SYT9: variants seen among roughly 807,000 people sequenced by gnomAD.
The protein encoded by SYT9 is synaptotagmin 9, also known as synaptotagmin-9.
In SYT9, 22 loss-of-function variants were observed where a neutral mutation model predicts 48.4. That is an observed-to-expected ratio of 0.45 (90% CI 0.32 to 0.65). SYT9 has a LOEUF of 0.65. Ranked by LOEUF, SYT9 falls within the 30% of genes least tolerant of loss-of-function variation. The pLI, the probability that SYT9 is intolerant of heterozygous loss-of-function variation, is 0.03. For missense variants in SYT9, 577 were observed against 622.0 expected, an observed-to-expected ratio of 0.93 and a Z score of 0.77; for synonymous variants, 265 against 245.0, an observed-to-expected ratio of 1.08 and a Z score of -0.76.
intron 3 of SYT9, among the ~76,000 whole-genome samples, chr11:7,389,173 A>C (rs10769786): frequency 0.87 from 132,356 of 152,040 alleles, 57,998 homozygotes; most frequent in Non-Finnish European, 0.93. Flanking sequence ...TTGGGCCAAT[A>C]CAGAAAACTG....
intron 3 of SYT9, among the ~76,000 whole-genome samples, chr11:7,408,766 A>G (rs553227476): frequency 6.6e-6 from 1 of 152,294 alleles, no homozygotes; most frequent in East Asian, 1.9e-4. Flanking sequence ...TCATCAGCAA[A>G]GAAATGGTTG....
chr11:7,349,528 A>G (rs944532550), intron 3 of SYT9, among the ~76,000 whole-genome samples: 3 of 152,070 alleles, frequency 2.0e-5, no homozygotes, highest in Admixed American at 2.0e-4. Context: ...GGCAGGGGTC[A>G]TGTTCCTACA....
chr11:7,346,752 T>C (rs1455510123), intron 3 of SYT9, among the ~76,000 whole-genome samples: 1 of 152,232 alleles, frequency 6.6e-6, no homozygotes, highest in Non-Finnish European at 1.5e-5. Context: ...ATCTGTCTGC[T>C]CAATACAGAA....
At position 7,466,879 on chromosome 11, in the gene SYT9, C is replaced by T; in HGVS notation, c.*79C>T. 6.6e-7 allele frequency: 1 copy of T among 1,526,644 alleles called. No individual in the cohort carries two copies. The highest frequency in any genetic ancestry group is 9.0e-7 in the Non-Finnish European group (1 of 1,110,272). 94.6% of individuals were successfully genotyped at this position (1,526,644 alleles called of 1,614,324 possible). A position where few individuals can be genotyped will look rare whatever the true frequency, so the allele number is the denominator to read the frequency against. On this transcript the variant is annotated 3_prime_UTR_variant, in exon 7 of 7. Coordinates refer to ENST00000318881, the MANE Select transcript of SYT9 (RefSeq NM_175733.4). ...AAAGATCTTAAGTAACTTTTTCCAT[C>T]CAGCAACATCCAGACGATTTCAGTG...
At chr11:7,333,024 G>T (rs546895486) in intron 3 of SYT9, among the ~76,000 whole-genome samples, 2 of 152,322 alleles carry the variant, frequency 1.3e-5, no homozygotes, top group East Asian at 3.9e-4. Context: ...CTTGGAAAAT[G>T]AGTTTTCAAC....
At chr11:7,460,995 A>G (rs7107529) in intron 6 of SYT9, among the ~76,000 whole-genome samples, 49,760 of 151,802 alleles carry the variant, frequency 0.33, 9,458 homozygotes, top group African/African-American at 0.52. Context: ...TGGTTGCCTC[A>G]CAGGGGAATT....
intron 6 of SYT9, among the ~76,000 whole-genome samples, chr11:7,459,700 G>GA (rs1848207497): frequency 6.6e-6 from 1 of 152,164 alleles, no homozygotes; most frequent in African/African-American, 2.4e-5. Context: ...GCTTATGCTG[G>GA]ATCAGGGTAG....
rs75701502 is a variant in SYT9 at position 7,303,870 on chromosome 11, A to T, written c.497+480A>T. On this transcript the variant is annotated intron_variant, in intron 2 of 6. Coordinates refer to ENST00000318881, the MANE Select transcript of SYT9 (RefSeq NM_175733.4). ...TTCCCTGTGCATCTGACCTATCCTA[A>T]CAGTCACACACAGGCTCTCTTCAGA... Among the ~76,000 whole-genome samples the T allele has an allele frequency of 5.8e-4, 88 of 152,176 alleles. No individual in the cohort carries two copies. In the East Asian group the frequency reaches 0.016, roughly 27 times the overall value.
intron 3 of SYT9, among the ~76,000 whole-genome samples, chr11:7,333,355 A>C (rs984169230): frequency 6.6e-6 from 1 of 152,204 alleles, no homozygotes; most frequent in Non-Finnish European, 1.5e-5. Context: ...GTGCTGGATC[A>C]AGGGTCAGTC....
chr11:7,360,034 T>G (rs1167962664), intron 3 of SYT9, among the ~76,000 whole-genome samples: 1 of 151,766 alleles, frequency 6.6e-6, no homozygotes, highest in East Asian at 1.9e-4. Context: ...TTGTATAAGG[T>G]GTAAGGAAGG....
At chr11:7,291,668 T>A (rs1848698613) in intron 1 of SYT9, among the ~76,000 whole-genome samples, 1 of 150,982 alleles carries the variant, frequency 6.6e-6, no homozygotes, top group African/African-American at 2.4e-5. Flanking sequence ...ATCCTGTGTC[T>A]TGCTCAACTG....
intron 3 of SYT9, among the ~76,000 whole-genome samples, chr11:7,390,733 C>G (rs748407710): frequency 1.3e-5 from 2 of 152,136 alleles, no homozygotes; most frequent in Non-Finnish European, 2.9e-5. Context: ...GTGGTTGAAA[C>G]CATCAGGGCA....
At chr11:7,356,516 A>T (rs1850025174) in intron 3 of SYT9, among the ~76,000 whole-genome samples, 1 of 152,092 alleles carries the variant, frequency 6.6e-6, no homozygotes, top group Non-Finnish European at 1.5e-5. Flanking sequence ...CAGGGAGGGA[A>T]GAAGGAGGAG....
chr11:7,355,076 C>G (rs948646600), intron 3 of SYT9, among the ~76,000 whole-genome samples: 1 of 152,174 alleles, frequency 6.6e-6, no homozygotes, highest in East Asian at 1.9e-4. Context: ...GGTCGACAAC[C>G]AAGATAAAAG....
chr11:7,394,216 G>GT (rs1564888244), intron 3 of SYT9, among the ~76,000 whole-genome samples: 3 of 151,546 alleles, frequency 2.0e-5, no homozygotes, highest in Non-Finnish European at 4.4e-5. Flanking sequence ...GTGGTATTTG[G>GT]TTTTTTGTCC....
At chr11:7,307,729 G>A (rs555531063) in intron 2 of SYT9, among the ~76,000 whole-genome samples, 15 of 152,342 alleles carry the variant, frequency 9.8e-5, no homozygotes, top group African/African-American at 3.1e-4. Context: ...GTATACAGGG[G>A]CCTGTCTGAG....
At chr11:7,247,532 C>CAT (rs534537276), upstream of SYT9, among the ~76,000 whole-genome samples, 8 of 146,932 alleles carry the variant, frequency 5.4e-5, no homozygotes, top group Non-Finnish European at 1.0e-4. Flanking sequence ...CACATATATA[C>CAT]ATATATATAC....
chr11:7,377,144 T>A (rs1850469214), intron 3 of SYT9, among the ~76,000 whole-genome samples: 1 of 151,130 alleles, frequency 6.6e-6, no homozygotes, highest in African/African-American at 2.4e-5. Context: ...CTGTAGAGAC[T>A]ACTGCTATTC....
intron 3 of SYT9, among the ~76,000 whole-genome samples, chr11:7,348,259 C>CT (rs1403224125): frequency 6.6e-6 from 1 of 152,186 alleles, no homozygotes; most frequent in Non-Finnish European, 1.5e-5. Flanking sequence ...CTCTACCCCC[C>CT]TCCTCAGTCT....
Sources: gnomAD v4.1 joint callset for allele counts (sites outside exome capture counted in the v4.1 genomes callset) on GRCh38, gnomAD v4.1.1 for gene constraint, MANE v1.5 for transcripts, NCBI Gene and HGNC (gene_info 2026-07-23, HGNC 2026-07-21) for gene names.